OSBPL1A: variants seen among roughly 807,000 people sequenced by gnomAD.
The protein encoded by OSBPL1A is oxysterol binding protein like 1A, also known as oxysterol-binding protein-related protein 1.
OSBPL1A carries 80 observed loss-of-function variants against 137.1 expected under a neutral mutation model. The ratio of observed to expected loss-of-function variants is 0.58; its 90% CI spans 0.49 to 0.70. OSBPL1A has a LOEUF of 0.70. OSBPL1A is among the 30% of genes least tolerant of loss of function. OSBPL1A has a pLI of 0.00. For synonymous variants in OSBPL1A, 365 were observed against 389.7 expected (o/e 0.94, Z 0.75); for missense variants, 970 against 1,129.4 (o/e 0.86, Z 2.02).
intron 1 of OSBPL1A, among the ~76,000 whole-genome samples, chr18:24,381,050 T>A (rs1257755172): frequency 4.0e-5 from 6 of 151,172 alleles, no homozygotes; most frequent in Admixed American, 2.6e-4. Flanking sequence ...AAAGAAAAAA[T>A]TATTCAGTGA....
chr18:24,307,055 G>A (rs1367054430), intron 13 of OSBPL1A, among the ~76,000 whole-genome samples: 2 of 148,206 alleles, frequency 1.3e-5, no homozygotes, highest in African/African-American at 5.0e-5. Context: ...CCAGCATTTC[G>A]AGACCTTCCT....
rs189254180 is a variant in OSBPL1A at position 24,353,134 on chromosome 18, T to C, written c.283-11476A>G. 6.4e-3 allele frequency among the ~76,000 whole-genome samples: 976 copies of C among 152,204 alleles called. 9 individuals carry two copies. Among genetic ancestry groups the C allele is most frequent in the African/African-American group, 0.022 (932 of 41,528 alleles). Reference sequence around the variant, plus strand: ...CTACCATCAGAGTGAACAGGCAACCTACAAAATGGGAGAAGATTTTTGCAA... The same window carrying C: ...CTACCATCAGAGTGAACAGGCAACCCACAAAATGGGAGAAGATTTTTGCAA... On this transcript the variant is annotated intron_variant, in intron 4 of 27. Transcript: ENST00000319481.
At chr18:24,236,049 A>T (rs971411247) in intron 16 of OSBPL1A, among the ~76,000 whole-genome samples, 1 of 152,320 alleles carries the variant, frequency 6.6e-6, no homozygotes, top group East Asian at 1.9e-4. Context: ...GCAAGGCAAC[A>T]GTCTCTTCTA....
At chr18:24,181,859 C>T (rs1043220390) in intron 18 of OSBPL1A, among the ~76,000 whole-genome samples, 15 of 152,132 alleles carry the variant, frequency 9.9e-5, no homozygotes, top group Admixed American at 9.2e-4. Flanking sequence ...TAAAAGCTCC[C>T]CTTCCTGCCT....
At chr18:24,294,178 A>T (rs1264508425) in intron 14 of OSBPL1A, among the ~76,000 whole-genome samples, 1 of 151,360 alleles carries the variant, frequency 6.6e-6, no homozygotes, top group Non-Finnish European at 1.5e-5. Context: ...ATTTTAGTGC[A>T]CCCATCACCT....
At chr18:24,284,294 C>T (rs987362004) in intron 14 of OSBPL1A, among the ~76,000 whole-genome samples, 1 of 152,040 alleles carries the variant, frequency 6.6e-6, no homozygotes, top group Non-Finnish European at 1.5e-5. Flanking sequence ...TACGTTTTAG[C>T]TGGTTAATAT....
intron 16 of OSBPL1A, among the ~76,000 whole-genome samples, chr18:24,228,809 G>A (rs1259131922): frequency 6.6e-6 from 1 of 152,188 alleles, no homozygotes; most frequent in African/African-American, 2.4e-5. Context: ...CCAACACAGC[G>A]AGGAATGCAC....
intron 14 of OSBPL1A, among the ~76,000 whole-genome samples, chr18:24,298,262 G>A (rs2146095771): frequency 6.6e-6 from 1 of 152,286 alleles, no homozygotes; most frequent in South Asian, 2.1e-4. Context: ...ATAAAAATGG[G>A]CAACCAGCAG....
intron 1 of OSBPL1A, 42 bp from the exon 2 acceptor site, chr18:24,377,577 T>C (rs370582077): frequency 1.1e-5 from 17 of 1,533,254 alleles, no homozygotes; most frequent in African/African-American, 9.8e-5. Flanking sequence ...TTTAAGAACA[T>C]AATTAGCTTT....
intron 16 of OSBPL1A, among the ~76,000 whole-genome samples, chr18:24,228,158 C>A (rs993005775): frequency 1.3e-5 from 2 of 152,052 alleles, no homozygotes; most frequent in Non-Finnish European, 2.9e-5. Flanking sequence ...TGCACTGACC[C>A]CTAGGGATGC....
At chr18:24,339,434 G>A (rs1158739907) in intron 5 of OSBPL1A, among the ~76,000 whole-genome samples, 1 of 152,176 alleles carries the variant, frequency 6.6e-6, no homozygotes, top group Non-Finnish European at 1.5e-5. Context: ...ACTCAATTCA[G>A]TCTCTACTTC....
At chr18:24,377,117 C>T (rs1300696502) in intron 2 of OSBPL1A, among the ~76,000 whole-genome samples, 1 of 152,248 alleles carries the variant, frequency 6.6e-6, no homozygotes, top group Non-Finnish European at 1.5e-5. Flanking sequence ...CGAGCGAGGT[C>T]TGTGAGGACT....
chr18:24,265,658 G>T (rs1376159387), intron 15 of OSBPL1A, among the ~76,000 whole-genome samples: 1 of 152,118 alleles, frequency 6.6e-6, no homozygotes, highest in Admixed American at 6.5e-5. Flanking sequence ...CCTGAATGTA[G>T]CAAATAATTA....
intron 1 of OSBPL1A, among the ~76,000 whole-genome samples, chr18:24,378,147 T>A (rs893683159): frequency 2.0e-5 from 3 of 152,196 alleles, no homozygotes; most frequent in Admixed American, 1.3e-4. Flanking sequence ...ATTTCAAGCA[T>A]TTATGTCAAA....
chr18:24,391,873 T>C (rs965831250), intron 1 of OSBPL1A, among the ~76,000 whole-genome samples: 2 of 152,186 alleles, frequency 1.3e-5, no homozygotes, highest in African/African-American at 4.8e-5. Flanking sequence ...ACTTTTTCTT[T>C]TTTTTTGAGA....
rs766462125 is a variant in OSBPL1A at position 24,312,127 on chromosome 18, A to C, written c.970-21T>G. ...CAGTCCTGAAATCATGCAAGAATTTAAATGAGAGTGAAAAGCATTTTTATT... is the reference window on the plus strand; with the variant it reads ...CAGTCCTGAAATCATGCAAGAATTTCAATGAGAGTGAAAAGCATTTTTATT... On this transcript the variant is annotated intron_variant, in intron 12 of 27. Coordinates refer to ENST00000319481, the MANE Select transcript of OSBPL1A (RefSeq NM_080597.4). 16 of 1,612,012 alleles carry C rather than the reference A, an allele frequency of 9.9e-6. No individual in the cohort carries two copies. In the South Asian group the frequency reaches 1.5e-4, roughly 16 times the overall value.
At chr18:24,272,117 C>A in intron 15 of OSBPL1A, 1 of 983,698 alleles carries the variant, frequency 1.0e-6, no homozygotes. Context: ...CTGCACGGCC[C>A]TCCGAGGAGA....
intron 14 of OSBPL1A, among the ~76,000 whole-genome samples, chr18:24,287,889 T>C (rs565608300): frequency 5.1e-4 from 77 of 152,340 alleles, no homozygotes; most frequent in African/African-American, 1.8e-3. Flanking sequence ...CCTATTGGAT[T>C]CTTCAACCTT....
chr18:24,344,519 T>C (rs1015863052), intron 4 of OSBPL1A, among the ~76,000 whole-genome samples: 3 of 152,204 alleles, frequency 2.0e-5, no homozygotes, highest in African/African-American at 7.2e-5. Flanking sequence ...CCAGTGGAGA[T>C]AGCAGAAAGG....
Sources: allele counts gnomAD v4.1 joint callset (sites outside exome capture counted in the v4.1 genomes callset), GRCh38; gene constraint gnomAD v4.1.1; transcripts MANE v1.5; gene names NCBI Gene and HGNC (gene_info 2026-07-23, HGNC 2026-07-21).